Variants in PDE4DIP observed in about 807,000 individuals in gnomAD.
PDE4DIP encodes the protein phosphodiesterase 4D interacting protein.
In PDE4DIP, 59 loss-of-function variants were observed where a neutral mutation model predicts 221.4. That is an observed-to-expected ratio of 0.27 (90% CI 0.22 to 0.33). The LOEUF (loss-of-function observed/expected upper bound fraction) is 0.33, where lower values mean the gene tolerates loss of function less well. PDE4DIP is among the 10% of genes least tolerant of loss of function. The pLI is 1.00. For missense variants in PDE4DIP, 1,036 were observed against 2,154.2 expected (o/e 0.48, Z 10.28); for synonymous variants, 404 against 815.9 (o/e 0.50, Z 8.60).
At chr1:149,017,062 G>T (rs1371544891) in intron 33 of PDE4DIP, among the ~76,000 whole-genome samples, 12 of 151,800 alleles carry the variant, frequency 7.9e-5, no homozygotes, top group African/African-American at 2.9e-4. Flanking sequence ...AAAAGACTGA[G>T]CCCAAAGCAA....
chr1:148,954,626 A>G (rs2054683265), intron 5 of PDE4DIP, among the ~76,000 whole-genome samples: 1 of 152,210 alleles, frequency 6.6e-6, no homozygotes, highest in Non-Finnish European at 1.5e-5. Flanking sequence ...GATATTAAGA[A>G]AGGATTAACC....
chr1:148,981,822 T>C (rs782392613), intron 21 of PDE4DIP: 19 of 177,758 alleles, frequency 1.1e-4, no homozygotes, highest in Non-Finnish European at 2.0e-4. Flanking sequence ...CATAAATGCA[T>C]GTGTGTGTAT....
intron 22 of PDE4DIP, among the ~76,000 whole-genome samples, chr1:148,996,429 T>C (rs1553564624): frequency 6.6e-6 from 1 of 152,178 alleles, no homozygotes; most frequent in Admixed American, 6.5e-5. Flanking sequence ...TGGGGGCACA[T>C]ATGGAGATGG....
At chr1:149,016,876 A>G (rs2070774458) in intron 33 of PDE4DIP, among the ~76,000 whole-genome samples, 1 of 152,278 alleles carries the variant, frequency 6.6e-6, no homozygotes, top group Non-Finnish European at 1.5e-5. Flanking sequence ...CATAGATGGG[A>G]CTTTCTTCCA....
chr1:148,952,218 A>G (rs2053557018), intron 5 of PDE4DIP: 1 of 1,025,520 alleles, frequency 9.8e-7, no homozygotes, highest in African/African-American at 1.7e-5. Flanking sequence ...TCTGCTCCGC[A>G]CTCGCCGTGA....
intron 17 of PDE4DIP, among the ~76,000 whole-genome samples, chr1:148,976,389 T>A (rs1435116245): frequency 6.6e-6 from 1 of 152,242 alleles, no homozygotes; most frequent in Non-Finnish European, 1.5e-5. Context: ...GCCAGCCCTG[T>A]GATTTTTGAA....
chr1:148,952,043 G>C (rs1404495540), intron 5 of PDE4DIP: 1 of 1,009,632 alleles, frequency 9.9e-7, no homozygotes, highest in Non-Finnish European at 1.2e-6. Flanking sequence ...CGGAGGACGT[G>C]GCACTGTCCG....
At chr1:148,919,263 A>T (rs1233743901) in intron 1 of PDE4DIP, among the ~76,000 whole-genome samples, 3 of 151,284 alleles carry the variant, frequency 2.0e-5, no homozygotes, top group East Asian at 1.9e-4. Context: ...TGCAGGTGGT[A>T]TTATCATTCT....
chr1:148,987,608 A>C (rs1179617696), intron 21 of PDE4DIP, among the ~76,000 whole-genome samples: 1 of 152,196 alleles, frequency 6.6e-6, no homozygotes, highest in Non-Finnish European at 1.5e-5. Flanking sequence ...ATCACCTTTT[A>C]AAATTAATAA....
At chr1:148,846,296 T>C (rs1188861419) in intron 1 of PDE4DIP, among the ~76,000 whole-genome samples, 1 of 86,454 alleles carries the variant, frequency 1.2e-5, no homozygotes, top group Non-Finnish European at 2.4e-5. Context: ...AATACAAAAT[T>C]AGCCGGGCGT....
At chr1:149,028,874 C>G (rs1553633101) in intron 41 of PDE4DIP, among the ~76,000 whole-genome samples, 171 bp downstream of exon 44, 1 of 151,984 alleles carries the variant, frequency 6.6e-6, no homozygotes, top group Non-Finnish European at 1.5e-5. Context: ...CCCATGGTGG[C>G]TGCTTTCATT....
chr1:148,967,967 T>C lies in PDE4DIP; in HGVS notation c.1785+62T>C. 3 of 898,708 alleles carry C rather than the reference T, an allele frequency of 3.3e-6. No homozygotes were observed. The South Asian group carries it at 5.0e-5, about 15-fold the overall frequency. 55.7% of individuals were successfully genotyped at this position (898,708 alleles called of 1,614,324 possible). On this transcript the variant is annotated intron_variant, in intron 13 of 43. Transcript: ENST00000369354. ...TGATTATGTAATCTCAGCCTTGGAT[T>C]AGGACTCTTCAGATTGGGAGGACTG... is the stretch of plus-strand genomic sequence containing the variant.
chr1:149,030,053 A>G (rs1575698001), intron 42 of PDE4DIP, 128 bp downstream of exon 45: 1 of 1,019,432 alleles, frequency 9.8e-7, no homozygotes, highest in Non-Finnish European at 1.5e-6. Flanking sequence ...GATGTCCCCA[A>G]ACCTCCTGTA....
chr1:148,933,643 T>G (rs1270179205), intron 4 of PDE4DIP, among the ~76,000 whole-genome samples: 2 of 152,174 alleles, frequency 1.3e-5, no homozygotes, highest in Non-Finnish European at 2.9e-5. Context: ...AGCTTTTAAC[T>G]GAATAGGCAA....
intron 5 of PDE4DIP, chr1:148,952,468 G>T (rs2053673964): frequency 2.8e-6 from 3 of 1,081,398 alleles, no homozygotes; most frequent in Non-Finnish European, 3.4e-6. Context: ...AGGACGCGGC[G>T]GCTGGCGGGA....
intron 38 of PDE4DIP, chr1:149,025,819 G>C (rs1446001419): frequency 6.7e-6 from 1 of 150,002 alleles, no homozygotes; most frequent in African/African-American, 2.5e-5. Context: ...TTTGTCAAAT[G>C]AAGGTGACAA....
At chr1:149,025,387 AG>A (rs1202563194) in intron 38 of PDE4DIP, among the ~76,000 whole-genome samples, 1 of 151,848 alleles carries the variant, frequency 6.6e-6, no homozygotes, top group African/African-American at 2.4e-5. Context: ...CTAAGGAAAC[AG>A]GGCTCTGGGG....
At chr1:148,885,121 T>G (rs1387454504), upstream of PDE4DIP, among the ~76,000 whole-genome samples, 5 of 147,452 alleles carry the variant, frequency 3.4e-5, no homozygotes, top group Admixed American at 1.4e-4. Flanking sequence ...ACATCCCACT[T>G]TTCTCAGGAA....
chr1:149,028,323 C>T (rs868918655), intron 40 of PDE4DIP, among the ~76,000 whole-genome samples: 7,094 of 148,028 alleles, frequency 0.048, 384 homozygotes, highest in African/African-American at 0.14. Flanking sequence ...AGGTAACAGG[C>T]TCATAGAGGA....
Sources: allele counts gnomAD v4.1 joint callset (sites outside exome capture counted in the v4.1 genomes callset), GRCh38; gene constraint gnomAD v4.1.1; transcripts MANE v1.5; gene names NCBI Gene and HGNC (gene_info 2026-07-23, HGNC 2026-07-21).